DPP10: variants seen among roughly 807,000 people sequenced by gnomAD.
DPP10 encodes dipeptidyl peptidase like 10, also known as inactive dipeptidyl peptidase 10.
Under a neutral mutation model 120.9 loss-of-function variants are expected in DPP10, and 33 were observed. The ratio of observed to expected loss-of-function variants is 0.27; its 90% confidence interval spans 0.21 to 0.37. The LOEUF is 0.37. Among genes scored for constraint, DPP10 ranks in the 10% least tolerant of loss-of-function variants. DPP10 has a pLI of 1.00. For missense variants in DPP10, 816 were observed against 942.8 expected (o/e 0.87, Z 1.76); for synonymous variants, 337 against 326.1 (o/e 1.03, Z -0.36).
At chr2:114,616,590 T>G (rs1354924746) in intron 1 of DPP10, among the ~76,000 whole-genome samples, 3 of 152,134 alleles carry the variant, frequency 2.0e-5, no homozygotes, top group Non-Finnish European at 4.4e-5. Flanking sequence ...TGCTGTAACC[T>G]TTGCAGACGT....
At chr2:115,140,766 T>C (rs139065725) in intron 1 of DPP10, among the ~76,000 whole-genome samples, 1 of 152,162 alleles carries the variant, frequency 6.6e-6, no homozygotes, top group East Asian at 1.9e-4. Context: ...TGACGCCAAG[T>C]TTTCTGATCC....
intron 1 of DPP10, among the ~76,000 whole-genome samples, chr2:114,650,344 C>T (rs1186267783): frequency 6.6e-6 from 1 of 151,914 alleles, no homozygotes; most frequent in Non-Finnish European, 1.5e-5. Context: ...GCATCCAAAC[C>T]CAGCAATATC....
chr2:115,250,604 A>C (rs888383433), intron 1 of DPP10, among the ~76,000 whole-genome samples: 1 of 152,136 alleles, frequency 6.6e-6, no homozygotes, highest in Admixed American at 6.5e-5. Context: ...TACATTATTT[A>C]TTCTTTTTAG....
At chr2:115,752,773 A>C (rs13399557) in intron 10 of DPP10, among the ~76,000 whole-genome samples, 261 of 152,298 alleles carry the variant, frequency 1.7e-3, no homozygotes, top group African/African-American at 6.1e-3. Context: ...AAAGAAAAAA[A>C]TAACATACCT....
At chr2:115,149,819 C>T (rs1336915761) in intron 1 of DPP10, among the ~76,000 whole-genome samples, 1 of 152,146 alleles carries the variant, frequency 6.6e-6, no homozygotes, top group Non-Finnish European at 1.5e-5. Context: ...CATACTTATA[C>T]TAAAAAATTA....
chr2:114,580,721 G>GTTT (rs11384274), intron 1 of DPP10, among the ~76,000 whole-genome samples: 8 of 123,102 alleles, frequency 6.5e-5, no homozygotes, highest in Admixed American at 1.6e-4. Context: ...TATCACATCT[G>GTTT]TTTTTTTTTT....
At chr2:114,857,852 T>A (rs2106514810) in intron 1 of DPP10, among the ~76,000 whole-genome samples, 1 of 152,330 alleles carries the variant, frequency 6.6e-6, no homozygotes, top group South Asian at 2.1e-4. Flanking sequence ...CAGCATTCAC[T>A]GTGTTAAAAT....
chr2:114,696,551 C>G (rs1006329669), intron 1 of DPP10, among the ~76,000 whole-genome samples: 1 of 151,906 alleles, frequency 6.6e-6, no homozygotes, highest in Non-Finnish European at 1.5e-5. Flanking sequence ...AGAGAAACAG[C>G]AGGTAAAATG....
chr2:114,992,853 A>T (rs905820206), intron 1 of DPP10, among the ~76,000 whole-genome samples: 2 of 152,212 alleles, frequency 1.3e-5, no homozygotes, highest in Admixed American at 6.5e-5. Flanking sequence ...CCTGTGAATG[A>T]CTTGTAGACA....
chr2:115,016,030 C>T (rs964063580), intron 1 of DPP10, among the ~76,000 whole-genome samples: 1 of 152,004 alleles, frequency 6.6e-6, no homozygotes, highest in Non-Finnish European at 1.5e-5. Context: ...AAAAAAGAGC[C>T]CATATAGCCA....
At chr2:115,388,096 G>T (rs1243174421) in intron 3 of DPP10, among the ~76,000 whole-genome samples, 2 of 152,106 alleles carry the variant, frequency 1.3e-5, no homozygotes, top group East Asian at 3.9e-4. Flanking sequence ...CCAAATTATA[G>T]GTCACATCAC....
chr2:115,716,672 A>C (rs113067772), intron 7 of DPP10, among the ~76,000 whole-genome samples: 195 of 152,214 alleles, frequency 1.3e-3, no homozygotes, highest in African/African-American at 4.3e-3. Context: ...ATTGTGTTTG[A>C]AGAATATAGT....
At chr2:115,074,725 G>T (rs1707649376) in intron 1 of DPP10, among the ~76,000 whole-genome samples, 1 of 152,116 alleles carries the variant, frequency 6.6e-6, no homozygotes, top group African/African-American at 2.4e-5. Flanking sequence ...CTAGGTTTGG[G>T]TGCTGGAGTC....
chr2:115,839,871 G>A (rs1295864589), intron 24 of DPP10, among the ~76,000 whole-genome samples: 3 of 151,992 alleles, frequency 2.0e-5, no homozygotes, highest in Non-Finnish European at 4.4e-5. Flanking sequence ...CTTAGGTTCT[G>A]GCAGAAGGAA....
At chr2:114,526,700 G>T (rs2104700897) in intron 1 of DPP10, among the ~76,000 whole-genome samples, 1 of 152,236 alleles carries the variant, frequency 6.6e-6, no homozygotes, top group South Asian at 2.1e-4. Context: ...GTCCTCGCAT[G>T]ATGGAAGGAA....
chr2:115,455,719 G>T (rs924373436), intron 3 of DPP10, among the ~76,000 whole-genome samples: 5 of 152,074 alleles, frequency 3.3e-5, no homozygotes, highest in African/African-American at 9.7e-5. Context: ...AATGGGGAAA[G>T]AATTCCCTAT....
At chr2:114,580,332 C>G (rs553188824) in intron 1 of DPP10, among the ~76,000 whole-genome samples, 29 of 152,252 alleles carry the variant, frequency 1.9e-4, no homozygotes, top group African/African-American at 6.7e-4. Context: ...TGGTTACTTT[C>G]TATTCAGTGT....
chr2:115,029,860 AC>A (rs1354627707), intron 1 of DPP10, among the ~76,000 whole-genome samples: 2 of 152,200 alleles, frequency 1.3e-5, no homozygotes, highest in Non-Finnish European at 2.9e-5. Context: ...CAATATGGAC[AC>A]AAAATGTTAT....
At chr2:114,996,315 A>G (rs1701078858) in intron 1 of DPP10, among the ~76,000 whole-genome samples, 1 of 152,182 alleles carries the variant, frequency 6.6e-6, no homozygotes, top group African/African-American at 2.4e-5. Flanking sequence ...TTTCTCTACT[A>G]TAGACTGTAG....
Sources: gnomAD v4.1 joint callset for allele counts (sites outside exome capture counted in the v4.1 genomes callset) on GRCh38, gnomAD v4.1.1 for gene constraint, MANE v1.5 for transcripts, NCBI Gene and HGNC (gene_info 2026-07-23, HGNC 2026-07-21) for gene names.